The following FILIP1L variants were observed in gnomAD, a reference collection of about 807,000 sequenced individuals.
The protein encoded by FILIP1L is filamin A interacting protein 1 like.
A neutral mutation model predicts 96.6 loss-of-function variants in FILIP1L; 55 were observed. The observed-to-expected ratio is 0.57, with a 90% CI of 0.46 to 0.71. The LOEUF (loss-of-function observed/expected upper bound fraction) is 0.71. Ranked by LOEUF, FILIP1L falls within the 30% of genes least tolerant of loss-of-function variation. The pLI, the probability that FILIP1L is intolerant of heterozygous loss-of-function variation, is 0.00. For synonymous variants in FILIP1L, 467 were observed against 473.9 expected (o/e 0.99, Z 0.19); for missense variants, 1,304 against 1,321.2 (o/e 0.99, Z 0.20).
intron 1 of FILIP1L, among the ~76,000 whole-genome samples, chr3:100,036,157 T>C (rs2065103555): frequency 6.6e-6 from 1 of 152,202 alleles, no homozygotes. Flanking sequence ...TTCTAAGGCA[T>C]GAAAAATTTC....
intron 4 of FILIP1L, among the ~76,000 whole-genome samples, chr3:99,872,320 T>TGTGTGTGTGA (rs1431686347): frequency 1.4e-5 from 2 of 143,158 alleles, no homozygotes; most frequent in South Asian, 2.2e-4. Flanking sequence ...TGTGTGTGTG[T>TGTGTGTGTGA]GTGACTGTGG....
At chr3:100,030,106 A>G (rs4074918) in intron 1 of FILIP1L, among the ~76,000 whole-genome samples, 140,721 of 152,214 alleles carry the variant, frequency 0.92, 65,164 homozygotes, top group African/African-American at 0.98. Context: ...GGAAACGGAG[A>G]CCCAACGAGC....
chr3:100,002,210 T>G (rs1218364297), intron 1 of FILIP1L, among the ~76,000 whole-genome samples: 2 of 152,210 alleles, frequency 1.3e-5, no homozygotes, highest in African/African-American at 2.4e-5. Context: ...GCTGGGTAAA[T>G]CACGCACAGA....
chr3:99,967,331 C>G (rs543035092), intron 1 of FILIP1L, among the ~76,000 whole-genome samples: 2 of 152,262 alleles, frequency 1.3e-5, no homozygotes, highest in East Asian at 3.9e-4. Context: ...TTACATCATT[C>G]CTTTCACAGA....
intron 1 of FILIP1L, among the ~76,000 whole-genome samples, chr3:99,973,129 A>G (rs1378349598): frequency 2.6e-5 from 4 of 152,250 alleles, no homozygotes; most frequent in Admixed American, 6.5e-5. Context: ...CACCTGAATA[A>G]TAAAAGCCAA....
At chr3:99,997,555 C>T (rs1325212390) in intron 1 of FILIP1L, among the ~76,000 whole-genome samples, 1 of 152,088 alleles carries the variant, frequency 6.6e-6, no homozygotes, top group African/African-American at 2.4e-5. Context: ...TTTGCCAGAG[C>T]CTGACTCACC....
intron 3 of FILIP1L, among the ~76,000 whole-genome samples, chr3:99,927,409 G>T (rs1707328236): frequency 1.4e-5 from 2 of 139,090 alleles, no homozygotes; most frequent in Admixed American, 7.4e-5. Flanking sequence ...CGCTTTTGTT[G>T]TTCAGGCTGG....
chr3:99,845,114 TA>T (rs1262070094), intron 5 of FILIP1L, among the ~76,000 whole-genome samples: 2 of 152,196 alleles, frequency 1.3e-5, no homozygotes, highest in Non-Finnish European at 2.9e-5. Context: ...TATGTAATTT[TA>T]TCATGATCTT....
In FILIP1L at chr3:99,830,274, T is replaced by C; in HGVS notation, c.*140A>G. 2 of 341,630 alleles carry C rather than the reference T, an allele frequency of 5.9e-6. No homozygotes were observed. The highest frequency in any genetic ancestry group is 1.2e-5 in the Non-Finnish European group (2 of 172,036). 21.2% of individuals were successfully genotyped at this position (341,630 alleles called of 1,614,324 possible). ...AAAATAATTGTAGACGTGCTGCTTTTTGGGGGATGATCTTCATCAGGTCCA... is the reference window on the plus strand; with the variant it reads ...AAAATAATTGTAGACGTGCTGCTTTCTGGGGGATGATCTTCATCAGGTCCA... On this transcript the variant is annotated 3_prime_UTR_variant, in exon 6 of 6. Transcript: ENST00000477258.
Position 99,850,812 on chromosome 3 carries a change from T to C in FILIP1L, c.864A>G (p.Ala288=), listed in dbSNP as rs772826886. The C allele has an allele frequency of 6.2e-7, 1 of 1,614,222 alleles. No individual in the cohort carries two copies. The highest frequency in any genetic ancestry group is 8.5e-7 in the Non-Finnish European group (1 of 1,180,036). ...TTTGCAGTTCCTTCTCTAGTCTGGT[T>C]GCCTTCTGCTCTTCCTCCTGAACTC... The part of the protein sequence containing the change: ...EARVQEEEQK[A]TRLEKELQTQ... The change falls in exon 5 of 6, where the codon GCA becomes GCG. Residue 288 remains alanine (A), a synonymous_variant. Coordinates refer to ENST00000477258, the MANE Select transcript of FILIP1L (RefSeq NM_001387850.1).
At chr3:99,915,626 G>A (rs1706927049) in intron 4 of FILIP1L, among the ~76,000 whole-genome samples, 1 of 151,488 alleles carries the variant, frequency 6.6e-6, no homozygotes, top group South Asian at 2.1e-4. Flanking sequence ...GAGTCTTAAT[G>A]GTTTAAAAAA....
chr3:99,920,089 T>C (rs1707077357), intron 4 of FILIP1L, among the ~76,000 whole-genome samples: 1 of 152,226 alleles, frequency 6.6e-6, no homozygotes, highest in Non-Finnish European at 1.5e-5. Flanking sequence ...TTTAAGGCTT[T>C]AACACAATCC....
chr3:99,968,063 A>G (rs1708705459), intron 1 of FILIP1L, among the ~76,000 whole-genome samples: 1 of 152,202 alleles, frequency 6.6e-6, no homozygotes, highest in African/African-American at 2.4e-5. Flanking sequence ...ATCCTTGGGG[A>G]AAACATGTAC....
At chr3:100,101,811 C>G (rs1335797443) in intron 1 of FILIP1L, among the ~76,000 whole-genome samples, 6 of 152,110 alleles carry the variant, frequency 3.9e-5, no homozygotes, top group Admixed American at 3.9e-4. Flanking sequence ...TGATGTTCCC[C>G]TTCCTGTGTC....
chr3:100,109,386 T>G (rs1296226491), intron 1 of FILIP1L, among the ~76,000 whole-genome samples: 1 of 152,190 alleles, frequency 6.6e-6, no homozygotes, highest in African/African-American at 2.4e-5. Context: ...CTGAAAATTT[T>G]GACAAGCTCA....
chr3:100,059,622 G>A (rs2065525675), intron 1 of FILIP1L, among the ~76,000 whole-genome samples: 1 of 152,272 alleles, frequency 6.6e-6, no homozygotes, highest in Admixed American at 6.5e-5. Flanking sequence ...GAGCCAGAAG[G>A]CGGGGGCCAA....
chr3:99,947,139 A>AAC (rs1708035448), intron 1 of FILIP1L, among the ~76,000 whole-genome samples: 1 of 149,388 alleles, frequency 6.7e-6, no homozygotes, highest in Non-Finnish European at 1.5e-5. Context: ...CTCTGTCTCA[A>AAC]AAAAAAAAAA....
chr3:100,021,259 G>A (rs1377295010), intron 1 of FILIP1L, among the ~76,000 whole-genome samples: 1 of 152,160 alleles, frequency 6.6e-6, no homozygotes, highest in Non-Finnish European at 1.5e-5. Flanking sequence ...ACCCTATAGA[G>A]CTCTCCTTAT....
intron 1 of FILIP1L, among the ~76,000 whole-genome samples, chr3:99,947,726 T>G (rs1433774292): frequency 1.3e-5 from 2 of 152,336 alleles, no homozygotes; most frequent in African/African-American, 4.8e-5. Context: ...TTTGAATACT[T>G]TTAATAAGGT....
Sources: gnomAD v4.1 joint callset for allele counts (sites outside exome capture counted in the v4.1 genomes callset) on GRCh38, gnomAD v4.1.1 for gene constraint, MANE v1.5 for transcripts, NCBI Gene and HGNC (gene_info 2026-07-23, HGNC 2026-07-21) for gene names.